The following ZSCAN12 variants were observed in gnomAD, a reference collection of about 807,000 sequenced individuals.
The protein encoded by ZSCAN12 is zinc finger and SCAN domain-containing protein 12.
A neutral mutation model predicts 23.4 loss-of-function variants in ZSCAN12; 18 were observed. That is an observed-to-expected ratio of 0.77 (90% CI 0.53 to 1.14). The LOEUF (loss-of-function observed/expected upper bound fraction) is 1.14, where lower values mean the gene tolerates loss of function less well. Among genes scored for constraint, ZSCAN12 ranks in the 50% most tolerant of loss-of-function variants. ZSCAN12 has a pLI of 0.00. For missense variants in ZSCAN12, 650 were observed against 735.0 expected (o/e 0.88, Z 1.34); for synonymous variants, 186 against 253.4 (o/e 0.73, Z 2.53).
chr6:28,392,006 C>T (rs1357533610), intron 3 of ZSCAN12, among the ~76,000 whole-genome samples: 5 of 152,042 alleles, frequency 3.3e-5, no homozygotes, highest in African/African-American at 7.2e-5. Flanking sequence ...AGAATAGAAA[C>T]TTTTCATTAA....
At position 28,390,648 on chromosome 6, in the gene ZSCAN12, T is replaced by G; in HGVS notation, c.1642A>C (p.Thr548Pro). The G allele has an allele frequency of 6.2e-7, 1 of 1,613,566 alleles. No individual in the cohort carries two copies. The highest frequency in any genetic ancestry group is 2.2e-5 in the East Asian group (1 of 44,862). ...TCACATTGGTAGGGCTTCTCCCCAGTGTGGATTCTCTGATGCTGAATGAGG... is the reference window on the plus strand; with the variant it reads ...TCACATTGGTAGGGCTTCTCCCCAGGGTGGATTCTCTGATGCTGAATGAGG... ...TSLIQHQRIH[T>P]GEKPYQCDEC... Residue 548 changes from threonine to proline, a missense_variant, in exon 4 of 4, where the codon ACT becomes CCT. By Grantham distance (38) the Thr-to-Pro change is conservative (BLOSUM62 -1). Coordinates refer to ENST00000684592, the MANE Select transcript of ZSCAN12 (RefSeq NM_001163391.2).
In ZSCAN12 at chr6:28,387,244, T is replaced by C. The variant is rs563399190; in HGVS notation, c.*3210A>G. Among the ~76,000 whole-genome samples, 55 of 152,286 alleles carry C rather than the reference T, an allele frequency of 3.6e-4. No individual in the cohort carries two copies. Among genetic ancestry groups the C allele is most frequent in the African/African-American group, 4.1e-4 (17 of 41,542 alleles). ...TAGGTATATAAGAAAGATTAAGTAG[T>C]GTGCAGAAAGGCAAATGGAGGAATG... is the stretch of plus-strand genomic sequence containing the variant. On this transcript the variant is annotated 3_prime_UTR_variant, in exon 4 of 4. Coordinates refer to ENST00000684592, the MANE Select transcript of ZSCAN12 (RefSeq NM_001163391.2).
rs1761200463 is a variant in ZSCAN12, at chr6:28,398,018, C to T, written c.388G>A (p.Glu130Lys). The T allele has an allele frequency of 6.3e-7, 1 of 1,594,884 alleles. No individual in the cohort carries two copies. Among genetic ancestry groups the T allele is most frequent in the Admixed American group, 1.8e-5 (1 of 55,660 alleles). Residue 130 changes from glutamate (E) to lysine (K), a missense_variant, in exon 2 of 4, where the codon GAA (glutamate) becomes AAA (lysine). Transcript: ENST00000684592. The stretch of plus-strand genomic sequence containing the variant: ...TTTTTTCTCACCTGCTCTCCTGGTT[C>T]ATCCAGTTCTCTCTCTAAATCCTCC... ...VLEDLERELD[E>K]PGEQVSVHTG...
rs1760667826 is a variant in ZSCAN12, at chr6:28,388,646, T to C, written c.*1808A>G. On this transcript the variant is annotated 3_prime_UTR_variant, in exon 4 of 4. Transcript: ENST00000684592. ...AAAGGTAATTAGGAGTGGGACTTAC[T>C]AAGGAAGAATGCAGATTACCCTTCT... Among the ~76,000 whole-genome samples the C allele has an allele frequency of 6.6e-6, 1 of 152,052 alleles. No homozygotes were observed. The highest frequency in any genetic ancestry group is 1.5e-5 in the Non-Finnish European group (1 of 67,996).
intron 1 of ZSCAN12, 104 bp from the exon 2 acceptor site, chr6:28,398,577 G>A: frequency 1.6e-6 from 1 of 614,468 alleles, no homozygotes; most frequent in Non-Finnish European, 2.7e-6. Flanking sequence ...CCGGATTAAT[G>A]TACAATACTT....
chr6:28,394,226 C>G lies in ZSCAN12; in HGVS notation c.403-1180G>C, dbSNP rs547716173. The stretch of plus-strand genomic sequence containing the variant: ...TTTGGAATCACATGGATTACTTACT[C>G]TCTCTCTTAGTCTAGTAGCTCTGTG... On this transcript the variant is annotated intron_variant, in intron 2 of 3. Transcript: ENST00000684592. 3.0e-4 allele frequency among the ~76,000 whole-genome samples: 46 copies of G among 152,296 alleles called. 2 individuals carry two copies. In the South Asian group the frequency reaches 9.6e-3, roughly 32 times the overall value.
At position 28,393,003 on chromosome 6, in the gene ZSCAN12, G is replaced by T; in HGVS notation, c.446C>A (p.Thr149Lys). 3.2e-6 allele frequency: 5 copies of T among 1,551,870 alleles called. No homozygotes were observed. Among genetic ancestry groups the T allele is most frequent in the Non-Finnish European group, 4.4e-6 (5 of 1,147,006 alleles). Reference protein sequence around the residue: ...TGEQEMFLQETVRLRKEGEPS... With the variant: ...TGEQEMFLQEKVRLRKEGEPS... Reference sequence around the variant, plus strand: ...TTCTCCTTCTTTTCGTAGACGTACCGTCTCCTGCAAGAACATTTCCTGTTC... The same window carrying T: ...TTCTCCTTCTTTTCGTAGACGTACCTTCTCCTGCAAGAACATTTCCTGTTC... Residue 149 changes from threonine (T) to lysine (K), a missense_variant, in exon 3 of 4, where the codon ACG becomes AAG. Transcript: ENST00000684592.
chr6:28,388,893 G>C lies in ZSCAN12; in HGVS notation c.*1561C>G, dbSNP rs1028059931. ...TTCTGTAAATAAAAAGACAGATCAG[G>C]AGCCATGTGTACTTCCATGTGGCTT... On this transcript the variant is annotated 3_prime_UTR_variant, in exon 4 of 4. Transcript: ENST00000684592. Among the ~76,000 whole-genome samples, 1 of 152,158 alleles carries C rather than the reference G, an allele frequency of 6.6e-6. No individual in the cohort carries two copies. The highest frequency in any genetic ancestry group is 6.5e-5 in the Admixed American group (1 of 15,274).
chr6:28,397,098 C>T (rs902028772), intron 2 of ZSCAN12, among the ~76,000 whole-genome samples: 3 of 152,042 alleles, frequency 2.0e-5, no homozygotes, highest in African/African-American at 7.2e-5. Flanking sequence ...TTGTCTGGGG[C>T]TGTCCTGTGT....
chr6:28,390,959 C>A lies in ZSCAN12; in HGVS notation c.1331G>T (p.Cys444Phe). Residue 444 changes from cysteine to phenylalanine, a missense_variant, in exon 4 of 4, where the codon TGT becomes TTT. Physicochemically the swap from Cys to Phe is radical, Grantham distance 205. Transcript: ENST00000684592. ...ACTGAAGGATTTCCCACATTCCTTACACTGATAGCATTTTTCTTTGTGGTG... is the reference window on the plus strand; with the variant it reads ...ACTGAAGGATTTCCCACATTCCTTAAACTGATAGCATTTTTCTTTGTGGTG... ...EIHHKEKCYQ[C>F]KECGKSFSQS... 6.4e-7 allele frequency: 1 copy of A among 1,556,436 alleles called. No individual in the cohort carries two copies. The highest frequency in any genetic ancestry group is 8.7e-7 in the Non-Finnish European group (1 of 1,149,590).
In ZSCAN12 at chr6:28,390,461, G is replaced by C. The variant is rs1269248465; in HGVS notation, c.1829C>G (p.Ser610Cys). ...ATAACTTCCCTGTAGTCATCACACA[G>C]AAACAGATTTTTCTCCTTTGTGGAT... ...QTIHKGEKSV[S>C]V Residue 610 changes from serine (S) to cysteine (C), a missense_variant, in exon 4 of 4, where the codon TCT (serine) becomes TGT (cysteine). Transcript: ENST00000684592. 6.5e-7 allele frequency: 1 copy of C among 1,538,298 alleles called. No individual in the cohort carries two copies.
In ZSCAN12 at chr6:28,391,521, C is replaced by G; in HGVS notation, c.769G>C (p.Glu257Gln). The change falls in exon 4 of 4, where the codon GAG (glutamate) becomes CAG (glutamine). Residue 257 changes from glutamate (E) to glutamine (Q), a missense_variant. By Grantham distance (29) the Glu-to-Gln change is conservative. Transcript: ENST00000684592. This position sits in a 1 kb window ranked among gnomAD's most constrained non-coding sequence, Gnocchi z 4.1. Reference protein sequence around the residue: ...TCDENGVSLTENSDHTEHQRI... With the variant: ...TCDENGVSLTQNSDHTEHQRI... The stretch of plus-strand genomic sequence containing the variant: ...TGATGTTCAGTATGGTCAGAGTTCT[C>G]AGTCAGGCTTACTCCATTTTCATCA... The G allele has an allele frequency of 6.4e-7, 1 of 1,552,102 alleles. No individual in the cohort carries two copies. The highest frequency in any genetic ancestry group is 8.7e-7 in the Non-Finnish European group (1 of 1,147,078).
downstream of ZSCAN12, among the ~76,000 whole-genome samples, chr6:28,383,790 T>C (rs945964335): frequency 1.3e-5 from 2 of 152,162 alleles, no homozygotes; most frequent in Non-Finnish European, 2.9e-5. Flanking sequence ...AGTAAAAGTA[T>C]ACCTGGGTGG....
At position 28,391,696 on chromosome 6, in the gene ZSCAN12, T is replaced by G; in HGVS notation, c.594A>C (p.Glu198Asp). Residue 198 changes from glutamate to aspartate, a missense_variant, in exon 4 of 4, where the codon GAA (glutamate) becomes GAC (aspartate). Physicochemically the swap from Glu to Asp is conservative, Grantham distance 45. Coordinates refer to ENST00000684592, the MANE Select transcript of ZSCAN12 (RefSeq NM_001163391.2). This position sits in a 1 kb window ranked among gnomAD's most constrained non-coding sequence, Gnocchi z 4.1. ...CATGTGGTTCCATTTCTTCAGAAAC[T>G]TCTTGCTTTAAATTCCCATACTCAT... ...TGNEYGNLKQ[E>D]VSEEMEPHGK... is the part of the protein sequence containing the mutation. 4 of 1,545,866 alleles carry G rather than the reference T, an allele frequency of 2.6e-6. No individual in the cohort carries two copies. In the South Asian group the frequency reaches 4.8e-5, roughly 19 times the overall value.
At chr6:28,379,662 C>T (rs1273819882) in exon 5 of ZSCAN12, 3 of 150,806 alleles carry the variant, frequency 2.0e-5, no homozygotes, top group African/African-American at 7.3e-5. Flanking sequence ...GGGACACCTA[C>T]ACGGTCTTGT....
At chr6:28,395,580 T>C (rs1019443472) in intron 2 of ZSCAN12, among the ~76,000 whole-genome samples, 2 of 152,242 alleles carry the variant, frequency 1.3e-5, no homozygotes, top group African/African-American at 4.8e-5. Flanking sequence ...CCAGCCCCAT[T>C]GTGGAACTTT....
chr6:28,382,613 AG>A (rs3832423), downstream of ZSCAN12: 25 of 1,551,166 alleles, frequency 1.6e-5, no homozygotes, highest in East Asian at 6.1e-4. Flanking sequence ...CTTCTTCCTG[AG>A]GCATAAAATA....
downstream of ZSCAN12, chr6:28,382,719 A>C: frequency 7.0e-7 from 1 of 1,427,766 alleles, no homozygotes; most frequent in African/African-American, 1.4e-5. Flanking sequence ...TCTGTCAGGA[A>C]GGTAAATAAA....
In ZSCAN12 at chr6:28,392,770, T is replaced by C. The variant is rs1760913717; in HGVS notation, c.547+132A>G. ...ACAAACTAGGCTGTCTGAGAGTCTA[T>C]ATATGAGCCATCAGATTCTGAGACG... On this transcript the variant is annotated intron_variant, in intron 3 of 3. Coordinates refer to ENST00000684592, the MANE Select transcript of ZSCAN12 (RefSeq NM_001163391.2). 4 of 949,646 alleles carry C rather than the reference T, an allele frequency of 4.2e-6. No homozygotes were observed. In the South Asian group the frequency reaches 5.3e-5, roughly 13 times the overall value. 58.8% of individuals were successfully genotyped at this position (949,646 alleles called of 1,614,324 possible).
Sources: allele counts gnomAD v4.1 joint callset (sites outside exome capture counted in the v4.1 genomes callset), GRCh38; gene constraint gnomAD v4.1.1; non-coding constraint Gnocchi (gnomAD v3.1); transcripts MANE v1.5; gene names NCBI Gene and HGNC (gene_info 2026-07-23, HGNC 2026-07-21).